MAGI2: variants seen among roughly 807,000 people sequenced by gnomAD.
MAGI2 encodes the protein membrane associated guanylate kinase, WW and PDZ domain containing 2.
Under a neutral mutation model 133.3 loss-of-function variants are expected in MAGI2, and 35 were observed. That is an observed-to-expected ratio of 0.26 (90% CI 0.20 to 0.35). The LOEUF is 0.35. Among genes scored for constraint, MAGI2 ranks in the 10% least tolerant of loss-of-function variants. The pLI is 1.00. For synonymous variants in MAGI2, 729 were observed against 710.6 expected (o/e 1.03, Z -0.41); for missense variants, 1,636 against 1,863.4 (o/e 0.88, Z 2.25).
intron 1 of MAGI2, among the ~76,000 whole-genome samples, chr7:79,442,776 T>C (rs930228552): frequency 2.6e-5 from 4 of 152,086 alleles, no homozygotes; most frequent in African/African-American, 7.2e-5. Flanking sequence ...CCTAAGTATA[T>C]GACTTGCTAG....
chr7:78,211,229 AC>A (rs944199697), intron 10 of MAGI2, among the ~76,000 whole-genome samples: 1 of 147,462 alleles, frequency 6.8e-6, no homozygotes, highest in East Asian at 2.0e-4. Flanking sequence ...CAGTGGGTGA[AC>A]CCCCCAGGAT....
intron 1 of MAGI2, among the ~76,000 whole-genome samples, chr7:79,022,960 GA>G (rs1163356548): frequency 2.0e-5 from 3 of 151,728 alleles, no homozygotes; most frequent in Non-Finnish European, 3.0e-5. Flanking sequence ...AAATTGAGGA[GA>G]AAAGATTCCT....
chr7:78,508,782 G>A (rs1210029224), intron 4 of MAGI2, among the ~76,000 whole-genome samples: 2 of 152,122 alleles, frequency 1.3e-5, no homozygotes, highest in East Asian at 3.9e-4. Context: ...CTTTTTTATA[G>A]TGGCGTGAAG....
intron 1 of MAGI2, among the ~76,000 whole-genome samples, chr7:79,248,944 A>G (rs1833019916): frequency 6.6e-6 from 1 of 151,948 alleles, no homozygotes; most frequent in Non-Finnish European, 1.5e-5. Flanking sequence ...GCTCACTGCA[A>G]CCTCTGCTTC....
chr7:78,981,337 C>T (rs953059806), intron 2 of MAGI2, among the ~76,000 whole-genome samples: 1 of 151,582 alleles, frequency 6.6e-6, no homozygotes, highest in South Asian at 2.1e-4. Flanking sequence ...CTTTATCTCT[C>T]TATGCCACAT....
Position 79,310,895 on chromosome 7 carries a change from T to C in MAGI2, c.301+142125A>G, listed in dbSNP as rs150822578. The stretch of plus-strand genomic sequence containing the variant: ...ATTTACCTCTTTGTTCTCTGATCAT[T>C]ATCACATTAAGAAGTATTCCCATAT... On this transcript the variant is annotated intron_variant, in intron 1 of 21. Transcript: ENST00000354212. 7.2e-5 allele frequency among the ~76,000 whole-genome samples: 11 copies of C among 152,040 alleles called. No individual in the cohort carries two copies. In the East Asian group the frequency reaches 2.1e-3, roughly 29 times the overall value.
intron 2 of MAGI2, among the ~76,000 whole-genome samples, chr7:78,749,618 T>C (rs1253234588): frequency 6.6e-6 from 1 of 152,042 alleles, no homozygotes; most frequent in African/African-American, 2.4e-5. Flanking sequence ...GTTGATGAAA[T>C]TGTTGGCAGA....
intron 9 of MAGI2, among the ~76,000 whole-genome samples, chr7:78,271,984 CA>C (rs1794625647): frequency 6.6e-6 from 1 of 152,038 alleles, no homozygotes; most frequent in Non-Finnish European, 1.5e-5. Context: ...GTCTTCTGCT[CA>C]CTTTTGAGTT....
intron 7 of MAGI2, among the ~76,000 whole-genome samples, chr7:78,351,302 T>A (rs1791485758): frequency 6.6e-6 from 1 of 151,924 alleles, no homozygotes. Context: ...AGCATAGGAG[T>A]TTGAGACTAG....
intron 1 of MAGI2, among the ~76,000 whole-genome samples, chr7:79,131,048 G>C (rs1178630489): frequency 1.3e-5 from 2 of 152,164 alleles, no homozygotes. Flanking sequence ...AAGGTGTTAA[G>C]TGATCATTTA....
intron 1 of MAGI2, among the ~76,000 whole-genome samples, chr7:79,127,798 C>A (rs182694028): frequency 2.0e-5 from 3 of 152,134 alleles, no homozygotes; most frequent in African/African-American, 7.2e-5. Context: ...AAGCTCTTTA[C>A]TTTAATTAGA....
chr7:79,134,401 T>C (rs1362350251), intron 1 of MAGI2, among the ~76,000 whole-genome samples: 1 of 152,176 alleles, frequency 6.6e-6, no homozygotes, highest in Non-Finnish European at 1.5e-5. Context: ...AATCTTCAAC[T>C]CTCTAATTCC....
chr7:78,873,772 C>T (rs1441753630), intron 2 of MAGI2, among the ~76,000 whole-genome samples: 1 of 152,122 alleles, frequency 6.6e-6, no homozygotes, highest in Non-Finnish European at 1.5e-5. Context: ...GGGACCACTG[C>T]TATGCACCAA....
At chr7:78,176,950 C>T (rs865906118) in intron 14 of MAGI2, among the ~76,000 whole-genome samples, 71 of 147,330 alleles carry the variant, frequency 4.8e-4, no homozygotes, top group African/African-American at 1.6e-3. Context: ...CACACACACA[C>T]ATATATAGTA....
chr7:79,395,319 AG>A (rs1364671989), intron 1 of MAGI2, among the ~76,000 whole-genome samples: 2 of 152,232 alleles, frequency 1.3e-5, no homozygotes, highest in African/African-American at 4.8e-5. Context: ...ATATAATCAA[AG>A]GAAAGTGTAA....
At chr7:79,050,839 A>G (rs867463050) in intron 1 of MAGI2, among the ~76,000 whole-genome samples, 1 of 152,178 alleles carries the variant, frequency 6.6e-6, no homozygotes, top group Non-Finnish European at 1.5e-5. Flanking sequence ...CAGTTTTCGC[A>G]TTGAGAAAGA....
chr7:78,303,105 C>T (rs798278), intron 9 of MAGI2, among the ~76,000 whole-genome samples: 102,379 of 151,914 alleles, frequency 0.67, 35,084 homozygotes, highest in African/African-American at 0.79. Flanking sequence ...CGGCCAGACA[C>T]GGTGGCTCAT....
chr7:79,319,498 T>C (rs182115386), intron 1 of MAGI2, among the ~76,000 whole-genome samples: 3 of 152,262 alleles, frequency 2.0e-5, no homozygotes, highest in South Asian at 2.1e-4. Flanking sequence ...AGCAGAAGTA[T>C]GTATGTGTCT....
At chr7:78,618,944 T>G (rs1164406655) in intron 3 of MAGI2, 1 of 145,752 alleles carries the variant, frequency 6.9e-6, no homozygotes, top group Non-Finnish European at 1.5e-5. Flanking sequence ...GAATCGGTTC[T>G]GGTGATCTAT....
Sources: allele counts gnomAD v4.1 joint callset (sites outside exome capture counted in the v4.1 genomes callset), GRCh38; gene constraint gnomAD v4.1.1; transcripts MANE v1.5; gene names NCBI Gene and HGNC (gene_info 2026-07-23, HGNC 2026-07-21).